Variants in NRP1 observed in about 807,000 individuals in gnomAD.
The protein encoded by NRP1 is neuropilin 1, also known as neuropilin-1.
A neutral mutation model predicts 106.7 loss-of-function variants in NRP1; 35 were observed. That is an observed-to-expected ratio of 0.33 (90% CI 0.25 to 0.43). The LOEUF is 0.43. Among genes scored for constraint, NRP1 ranks in the 20% least tolerant of loss-of-function variants. NRP1 has a pLI of 1.00. For synonymous variants in NRP1, 437 were observed against 417.9 expected (o/e 1.05, Z -0.56); for missense variants, 1,024 against 1,170.4 (o/e 0.87, Z 1.83).
intron 6 of NRP1, among the ~76,000 whole-genome samples, chr10:33,236,033 G>A (rs1484675511): frequency 1.3e-5 from 2 of 152,160 alleles, no homozygotes; most frequent in Non-Finnish European, 2.9e-5. Flanking sequence ...TTTCCAGGCA[G>A]TAAAAGATTC....
At chr10:33,282,447 T>G (rs1844209429) in intron 2 of NRP1, among the ~76,000 whole-genome samples, 1 of 152,222 alleles carries the variant, frequency 6.6e-6, no homozygotes, top group Admixed American at 6.5e-5. Flanking sequence ...TCCTCCTGAT[T>G]AATTAGTAAT....
In NRP1 at chr10:33,202,984, C is replaced by T. The variant is rs1837463680; in HGVS notation, c.1771G>A (p.Gly591Arg). The T allele has an allele frequency of 1.9e-6, 3 of 1,613,158 alleles. No homozygotes were observed. The change falls in exon 11 of 17, where the codon GGA (glycine) becomes AGA (arginine). Residue 591 changes from glycine (G) to arginine (R), a missense_variant. Around this residue, in one of 5 missense-constraint regions of NRP1, gnomAD observed 562 missense variants for 620.3 expected, o/e 0.91. Transcript: ENST00000374867. The stretch of plus-strand genomic sequence containing the variant: ...AAGTTCCCGTTGGGAGTGGTCGGTC[C>T]AGCTGTAGGGGCTGAAACAAGATCC... ...LGCEVEAPTA[G>R]PTTPNGNLVD... is the part of the protein sequence containing the mutation.
Position 33,206,299 on chromosome 10 carries a change from G to A in NRP1, c.1759+1273C>T, listed in dbSNP as rs768876165. ...GTCTGCCCATCTCTTCTTTTTCTTG[G>A]CATCCTTTGCCAAAGCCCTGGCACA... is the stretch of plus-strand genomic sequence containing the variant. On this transcript the variant is annotated intron_variant, in intron 10 of 16. Transcript: ENST00000374867. 3 of 518,978 alleles carry A rather than the reference G, an allele frequency of 5.8e-6. No homozygotes were observed. The East Asian group carries it at 1.6e-4, about 28-fold the overall frequency. 32.1% of individuals were successfully genotyped at this position (518,978 alleles called of 1,614,324 possible).
chr10:33,280,392 CAT>C (rs1844032328), intron 2 of NRP1, among the ~76,000 whole-genome samples: 1 of 152,184 alleles, frequency 6.6e-6, no homozygotes, highest in Admixed American at 6.5e-5. Context: ...AGAAAATTCA[CAT>C]GCCTTTAATT....
intron 2 of NRP1, among the ~76,000 whole-genome samples, chr10:33,310,201 G>A (rs1370901988): frequency 6.8e-6 from 1 of 147,504 alleles, no homozygotes; most frequent in African/African-American, 2.5e-5. Flanking sequence ...TGCCCGCCTC[G>A]GCCTCCGAAA....
rs766125758 is a variant in NRP1 at position 33,254,146 on chromosome 10, G to A, written c.863C>T (p.Ser288Phe). ...CTGGGAAGAAGCTGTGATCTGGTCAGAATGAATTTCTCCTGATTCCATGCC... is the reference window on the plus strand; with the variant it reads ...CTGGGAAGAAGCTGTGATCTGGTCAAAATGAATTTCTCCTGATTCCATGCC... Reference protein sequence around the residue: ...ALGMESGEIHSDQITASSQYS... With the variant: ...ALGMESGEIHFDQITASSQYS... The change falls in exon 6 of 17, where the codon TCT (serine) becomes TTT (phenylalanine). Residue 288 changes from serine (S) to phenylalanine (F), a missense_variant. Ser to Phe is a radical substitution (Grantham distance 155). This residue lies in a region of NRP1 where 562 missense variants were observed against 620.3 expected (regional missense o/e 0.91). Transcript: ENST00000374867. 6.2e-7 allele frequency: 1 copy of A among 1,613,752 alleles called. No homozygotes were observed. Among genetic ancestry groups the A allele is most frequent in the South Asian group, 1.1e-5 (1 of 90,994 alleles).
chr10:33,215,873 C>A (rs1217458021), intron 8 of NRP1, among the ~76,000 whole-genome samples: 5 of 152,180 alleles, frequency 3.3e-5, no homozygotes, highest in Non-Finnish European at 4.4e-5. Context: ...CCTTGCAAGG[C>A]CTCTCCCCAT....
chr10:33,185,006 T>C (rs1284614764), intron 15 of NRP1, among the ~76,000 whole-genome samples: 1 of 152,210 alleles, frequency 6.6e-6, no homozygotes, highest in African/African-American at 2.4e-5. Flanking sequence ...TGTAATTATA[T>C]ATCAAGAACT....
chr10:33,185,167 A>G (rs1439838356), intron 15 of NRP1, among the ~76,000 whole-genome samples: 1 of 152,236 alleles, frequency 6.6e-6, no homozygotes, highest in Non-Finnish European at 1.5e-5. Context: ...TCTACTTGTG[A>G]TAAAGCAAAG....
chr10:33,236,068 AT>A (rs1236266008), intron 6 of NRP1, among the ~76,000 whole-genome samples: 1 of 152,118 alleles, frequency 6.6e-6, no homozygotes, highest in Non-Finnish European at 1.5e-5. Context: ...TTTAATTAAC[AT>A]TTTTTGAATG....
At chr10:33,280,349 T>G (rs1844027545) in intron 2 of NRP1, among the ~76,000 whole-genome samples, 1 of 152,236 alleles carries the variant, frequency 6.6e-6, no homozygotes, top group Non-Finnish European at 1.5e-5. Flanking sequence ...GATGGAATCT[T>G]CTAGTGTCAG....
chr10:33,315,155 G>A (rs1055451380), intron 2 of NRP1, among the ~76,000 whole-genome samples: 5 of 152,178 alleles, frequency 3.3e-5, no homozygotes, highest in African/African-American at 1.2e-4. Flanking sequence ...TTATGGAGAC[G>A]ACTGTAAGAC....
chr10:33,321,175 C>A (rs963363204), intron 2 of NRP1, among the ~76,000 whole-genome samples: 6 of 152,106 alleles, frequency 3.9e-5, no homozygotes, highest in African/African-American at 1.2e-4. Context: ...TTAGTAGAGA[C>A]CGGGTTTCAC....
At chr10:33,253,207 G>GC (rs1328249912) in intron 6 of NRP1, among the ~76,000 whole-genome samples, 1 of 152,174 alleles carries the variant, frequency 6.6e-6, no homozygotes, top group Admixed American at 6.5e-5. Flanking sequence ...AGGACTGTCA[G>GC]CATCAGGCCT....
At chr10:33,249,222 A>T (rs1323250238) in intron 6 of NRP1, among the ~76,000 whole-genome samples, 1 of 151,440 alleles carries the variant, frequency 6.6e-6, no homozygotes, top group African/African-American at 2.4e-5. Flanking sequence ...GAACACTATC[A>T]TTAATAAAAC....
At chr10:33,313,972 C>T (rs1338914610) in intron 2 of NRP1, among the ~76,000 whole-genome samples, 1 of 151,526 alleles carries the variant, frequency 6.6e-6, no homozygotes, top group Non-Finnish European at 1.5e-5. Flanking sequence ...CTCTCTCCCT[C>T]CTTTCTCTCT....
intron 1 of NRP1, among the ~76,000 whole-genome samples, chr10:33,332,258 A>G (rs1848335979): frequency 6.6e-6 from 1 of 152,220 alleles, no homozygotes; most frequent in African/African-American, 2.4e-5. Context: ...GGCTTGTAAA[A>G]GTGTAAGCTT....
intron 4 of NRP1, among the ~76,000 whole-genome samples, chr10:33,258,957 G>GT (rs1842388725): frequency 6.6e-6 from 1 of 152,054 alleles, no homozygotes; most frequent in Non-Finnish European, 1.5e-5. Context: ...GCTTCATGAT[G>GT]TTTTTTCTTT....
intron 3 of NRP1, among the ~76,000 whole-genome samples, chr10:33,265,144 A>C (rs1447875133): frequency 6.6e-6 from 1 of 151,776 alleles, no homozygotes; most frequent in Admixed American, 6.6e-5. Flanking sequence ...AACAAACAAC[A>C]ACCAAAAAAA....
Sources: gnomAD v4.1 joint callset for allele counts (sites outside exome capture counted in the v4.1 genomes callset) on GRCh38, gnomAD v4.1.1 for gene constraint, gnomAD v4.1.1 regional missense constraint, MANE v1.5 for transcripts, NCBI Gene and HGNC (gene_info 2026-07-23, HGNC 2026-07-21) for gene names.